PCDHGA8: variants seen among roughly 807,000 people sequenced by gnomAD.
PCDHGA8 encodes protocadherin gamma subfamily A, 8.
In PCDHGA8, 45 loss-of-function variants were observed where a neutral mutation model predicts 59.2. That is an observed-to-expected ratio of 0.76 (90% CI 0.60 to 0.98). PCDHGA8 has a LOEUF of 0.98. Among genes scored for constraint, PCDHGA8 ranks in the 50% least tolerant of loss-of-function variants. PCDHGA8 has a pLI of 0.00. For missense variants in PCDHGA8, 1,257 were observed against 1,196.2 expected, an observed-to-expected ratio of 1.05 and a Z score of -0.75; for synonymous variants, 531 against 519.0, an observed-to-expected ratio of 1.02 and a Z score of -0.32.
intron 1 of PCDHGA8, chr5:141,478,259 T>G: frequency 6.2e-7 from 1 of 1,614,182 alleles, no homozygotes. Context: ...AGTAATCATA[T>G]TCAAAGTTTA....
chr5:141,392,768 T>C lies in PCDHGA8; in HGVS notation c.-46T>C, dbSNP rs754714050. The C allele has an allele frequency of 1.9e-5, 29 of 1,507,388 alleles. No homozygotes were observed. In the Middle Eastern group the frequency reaches 7.0e-4, roughly 37 times the overall value. 93.4% of individuals were successfully genotyped at this position (1,507,388 alleles called of 1,614,324 possible). On this transcript the variant is annotated 5_prime_UTR_variant, in exon 1 of 4. Coordinates refer to ENST00000398604, the MANE Select transcript of PCDHGA8 (RefSeq NM_032088.2). ...GCGGCAAGAAACTAAATAAGACCCA[T>C]TTATGCACAGTGAAGATTCTGAGAG...
rs563145930 is a variant in PCDHGA8 at position 141,392,984 on chromosome 5, GA to G, written c.173del (p.Lys58SerfsTer20). 408 of 1,613,914 alleles carry G rather than the reference GA, an allele frequency of 2.5e-4. 2 individuals carry two copies. In the African/African-American group the frequency reaches 4.6e-3, roughly 18 times the overall value. On this transcript the variant is annotated frameshift_variant, in exon 1 of 4. Transcript: ENST00000398604. LOFTEE classifies it high-confidence loss of function. The stretch of plus-strand genomic sequence containing the variant: ...CCAAGGACCTGGGGCTGGACCCCCG[GA>G]AGCTGGCGAAGCACGGAGTCCGTAT... ...ISKDLGLDPR[K>X]LAKHGVRIVS...
rs1234169256 is a variant in PCDHGA8, at chr5:141,392,822, T to C, written c.9T>C (p.Ala3=). The C allele has an allele frequency of 6.3e-7, 1 of 1,595,210 alleles. No homozygotes were observed. Among genetic ancestry groups the C allele is most frequent in the East Asian group, 2.2e-5 (1 of 44,616 alleles). MA[A]PQSRPRRGEL... ...TCTGCAGCAAAACAACAATGGCCGC[T>C]CCACAGAGTCGCCCCAGACGCGGCG... Residue 3 remains alanine, a synonymous_variant, in exon 1 of 4, where the codon GCT becomes GCC. Coordinates refer to ENST00000398604, the MANE Select transcript of PCDHGA8 (RefSeq NM_032088.2).
chr5:141,409,275 A>G (rs1266955919), intron 1 of PCDHGA8: 1 of 1,614,020 alleles, frequency 6.2e-7, no homozygotes, highest in South Asian at 1.1e-5. Flanking sequence ...CAGATTTTGG[A>G]GAATTCACCT....
At chr5:141,414,020 C>A in intron 1 of PCDHGA8, 1 of 1,612,618 alleles carries the variant, frequency 6.2e-7, no homozygotes. Flanking sequence ...GGAGAAGTGA[C>A]ATATTCATTC....
intron 1 of PCDHGA8, among the ~76,000 whole-genome samples, chr5:141,436,150 T>A (rs1270913305): frequency 6.6e-6 from 1 of 152,182 alleles, no homozygotes; most frequent in African/African-American, 2.4e-5. Flanking sequence ...ACTACCAAAA[T>A]GTTTATCATA....
chr5:141,440,818 C>T (rs906112291), intron 1 of PCDHGA8: 2 of 152,124 alleles, frequency 1.3e-5, no homozygotes, highest in Non-Finnish European at 2.9e-5. Flanking sequence ...TCACTCAACT[C>T]CTGATCCTAT....
chr5:141,512,275 A>G lies in PCDHGA8; in HGVS notation c.*1102A>G, dbSNP rs368275103. 1 of 152,730 alleles carries G rather than the reference A, an allele frequency of 6.5e-6. No individual in the cohort carries two copies. The highest frequency in any genetic ancestry group is 2.1e-4 in the South Asian group (1 of 4,824). The allele number at this position is 152,730 out of a possible 1,614,324, so 9.5% of individuals were successfully genotyped here. ...GGGTGCTGGGTACTCCAGAGGTGCC[A>G]CTGGTGGAAGGGTCAGCGGAGCCCC... On this transcript the variant is annotated 3_prime_UTR_variant, in exon 4 of 4. Transcript: ENST00000398604.
intron 1 of PCDHGA8, chr5:141,441,088 G>A (rs1050261040): frequency 3.9e-5 from 6 of 152,162 alleles, no homozygotes; most frequent in African/African-American, 1.4e-4. Context: ...GGTAGCAAGT[G>A]ACAGAGAGGG....
intron 2 of PCDHGA8, among the ~76,000 whole-genome samples, chr5:141,498,394 A>G (rs1043900807): frequency 6.6e-6 from 1 of 152,096 alleles, no homozygotes; most frequent in Non-Finnish European, 1.5e-5. Flanking sequence ...AGGGAATGGC[A>G]GGGAGTTTTC....
intron 1 of PCDHGA8, among the ~76,000 whole-genome samples, chr5:141,436,290 T>C (rs2097808305): frequency 6.6e-6 from 1 of 152,164 alleles, no homozygotes; most frequent in Non-Finnish European, 1.5e-5. Flanking sequence ...GAACAAATCA[T>C]TGAGAGTTAG....
At chr5:141,484,950 T>G in intron 1 of PCDHGA8, 1 of 561,950 alleles carries the variant, frequency 1.8e-6, no homozygotes, top group Non-Finnish European at 3.2e-6. Context: ...GCTCAGCCTA[T>G]TGGCTGAGCC....
rs372168887 is a variant in PCDHGA8, at chr5:141,477,322, C to T, written c.2425-17485C>T. On this transcript the variant is annotated intron_variant, in intron 1 of 3. Transcript: ENST00000398604. The surrounding 1 kb of genome is among the most constrained non-coding windows in gnomAD (Gnocchi z 4.9). The stretch of plus-strand genomic sequence containing the variant: ...GTCTCCCTTTCAGCCTTACTTCTTC[C>T]CTCAAGAATTACTTCACTTTGAAAA... 17 of 1,614,050 alleles carry T rather than the reference C, an allele frequency of 1.1e-5. No homozygotes were observed. In the African/African-American group the frequency reaches 1.5e-4, roughly 14 times the overall value.
In PCDHGA8 at chr5:141,491,410, G is replaced by T. The variant is rs777207581; in HGVS notation, c.2425-3397G>T. On this transcript the variant is annotated intron_variant, in intron 1 of 3. Transcript: ENST00000398604. The surrounding 1 kb of genome is among the most constrained non-coding windows in gnomAD (Gnocchi z 6.9). ...GTGCCTTCAGGGAAACGCAGACGGG[G>T]ACGGGGGTGGAGGGCAGTGCTGCAG... 28 of 1,614,142 alleles carry T rather than the reference G, an allele frequency of 1.7e-5. No individual in the cohort carries two copies. The highest frequency in any genetic ancestry group is 2.4e-5 in the Non-Finnish European group (28 of 1,180,034).
chr5:141,491,763 T>C lies in PCDHGA8; in HGVS notation c.2425-3044T>C. 1 of 1,570,222 alleles carries C rather than the reference T, an allele frequency of 6.4e-7. No homozygotes were observed. Among genetic ancestry groups the C allele is most frequent in the Non-Finnish European group, 8.6e-7 (1 of 1,159,286 alleles). Reference sequence around the variant, plus strand: ...GCGGCACTGGAGAAGCCGCCCGTCCTCATAAGGGATTGAACTTGCATCCAC... The same window carrying C: ...GCGGCACTGGAGAAGCCGCCCGTCCCCATAAGGGATTGAACTTGCATCCAC... On this transcript the variant is annotated intron_variant, in intron 1 of 3. Coordinates refer to ENST00000398604, the MANE Select transcript of PCDHGA8 (RefSeq NM_032088.2). The surrounding 1 kb of genome is among the most constrained non-coding windows in gnomAD (Gnocchi z 6.9).
intron 1 of PCDHGA8, 79 bp from the exon 2 acceptor site, chr5:141,494,728 C>T (rs2099756337): frequency 1.2e-6 from 2 of 1,609,984 alleles, no homozygotes; most frequent in Admixed American, 3.3e-5. Context: ...TCCTTCTCTC[C>T]CGGCCCATCC....
At chr5:141,420,210 A>T (rs1415966611) in intron 1 of PCDHGA8, 1 of 1,612,612 alleles carries the variant, frequency 6.2e-7, no homozygotes, top group East Asian at 2.2e-5. Flanking sequence ...CTCAACAAAG[A>T]TAGCATGCTA....
At chr5:141,404,196 C>T in intron 1 of PCDHGA8, 3 of 1,613,466 alleles carry the variant, frequency 1.9e-6, no homozygotes, top group Non-Finnish European at 1.7e-6. Context: ...CGAGAAAAAG[C>T]CTCAGAATAT....
At chr5:141,398,421 G>A in intron 1 of PCDHGA8, 2 of 1,510,606 alleles carry the variant, frequency 1.3e-6, no homozygotes, top group Non-Finnish European at 1.8e-6. Context: ...TATGCGGGAA[G>A]AAGCCAGCTT....
Sources: allele counts gnomAD v4.1 joint callset (sites outside exome capture counted in the v4.1 genomes callset), GRCh38; gene constraint gnomAD v4.1.1; non-coding constraint Gnocchi (gnomAD v3.1); transcripts MANE v1.5; gene names NCBI Gene and HGNC (gene_info 2026-07-23, HGNC 2026-07-21).